The following NPAS3 variants were observed in gnomAD, a reference collection of about 807,000 sequenced individuals.
The protein encoded by NPAS3 is neuronal PAS domain protein 3.
Under a neutral mutation model 73.1 loss-of-function variants are expected in NPAS3, and 14 were observed. That is an observed-to-expected ratio of 0.19 (90% CI 0.13 to 0.30). The LOEUF (loss-of-function observed/expected upper bound fraction) is 0.30, where lower values mean the gene tolerates loss of function less well. Among genes scored for constraint, NPAS3 ranks in the 10% least tolerant of loss-of-function variants. The pLI, the probability that NPAS3 is intolerant of heterozygous loss-of-function variation, is 1.00. For synonymous variants in NPAS3, 620 were observed against 541.5 expected (o/e 1.14, Z -2.01); for missense variants, 1,096 against 1,250.0 (o/e 0.88, Z 1.86).
intron 2 of NPAS3, among the ~76,000 whole-genome samples, chr14:33,080,876 C>A (rs60351482): frequency 6.6e-6 from 1 of 152,218 alleles, no homozygotes; most frequent in Non-Finnish European, 1.5e-5. Flanking sequence ...TTAAAAGCTG[C>A]TTAACAAAGA....
At chr14:33,266,964 A>G (rs192530545) in intron 3 of NPAS3, among the ~76,000 whole-genome samples, 161 of 152,272 alleles carry the variant, frequency 1.1e-3, no homozygotes, top group Non-Finnish European at 1.9e-3. Context: ...AAAGAGACAC[A>G]TTTGGAATAT....
chr14:33,778,572 T>C (rs762761601), exon 9 of NPAS3: 1 of 1,602,512 alleles, frequency 6.2e-7, no homozygotes, highest in Admixed American at 1.7e-5. Flanking sequence ...TCACTTGGAC[T>C]GTAAGTACCT....
At chr14:32,954,753 G>C (rs919694232) in intron 1 of NPAS3, among the ~76,000 whole-genome samples, 1 of 151,984 alleles carries the variant, frequency 6.6e-6, no homozygotes, top group African/African-American at 2.4e-5. Flanking sequence ...CTCTCAAATT[G>C]TACTAAATCA....
At chr14:33,572,139 A>G (rs28407670) in intron 5 of NPAS3, among the ~76,000 whole-genome samples, 20,025 of 152,152 alleles carry the variant, frequency 0.13, 1,524 homozygotes, top group East Asian at 0.29. Context: ...AGTGGAAAAT[A>G]CACAGAAAAT....
chr14:33,478,300 T>G (rs775212870), intron 4 of NPAS3, among the ~76,000 whole-genome samples: 6 of 152,160 alleles, frequency 3.9e-5, no homozygotes, highest in Non-Finnish European at 5.9e-5. Context: ...TTTTGTTGAC[T>G]TTAGTAAAGC....
intron 1 of NPAS3, among the ~76,000 whole-genome samples, chr14:32,986,757 G>A (rs2038115638): frequency 6.6e-6 from 1 of 152,248 alleles, no homozygotes; most frequent in Non-Finnish European, 1.5e-5. Context: ...CAGCGTTGTA[G>A]CTTTGATTGA....
At chr14:33,685,649 T>C (rs1462214733) in intron 6 of NPAS3, among the ~76,000 whole-genome samples, 6 of 152,188 alleles carry the variant, frequency 3.9e-5, no homozygotes, top group Admixed American at 3.9e-4. Context: ...TTCAGGAAAT[T>C]CTAACTTTGG....
intron 3 of NPAS3, among the ~76,000 whole-genome samples, chr14:33,223,411 G>A (rs1219617604): frequency 6.6e-6 from 1 of 152,176 alleles, no homozygotes; most frequent in Non-Finnish European, 1.5e-5. Flanking sequence ...CTCTTAGTAA[G>A]TCAGTCCTCT....
intron 4 of NPAS3, among the ~76,000 whole-genome samples, chr14:33,556,234 T>C (rs1241670250): frequency 3.3e-5 from 5 of 152,104 alleles, no homozygotes; most frequent in Non-Finnish European, 7.4e-5. Context: ...AAAATCACAA[T>C]CCCCTTTAGT....
chr14:33,406,461 T>A (rs1018044958), intron 4 of NPAS3, among the ~76,000 whole-genome samples: 1 of 152,132 alleles, frequency 6.6e-6, no homozygotes, highest in Non-Finnish European at 1.5e-5. Flanking sequence ...CTGACTTAAG[T>A]GTCTATGACT....
chr14:33,328,143 T>C (rs1264469044), intron 3 of NPAS3, among the ~76,000 whole-genome samples: 1 of 152,144 alleles, frequency 6.6e-6, no homozygotes, highest in Admixed American at 6.5e-5. Flanking sequence ...AAAAAACTTA[T>C]TTTTTAATAG....
intron 2 of NPAS3, among the ~76,000 whole-genome samples, chr14:33,140,666 C>T (rs1347463022): frequency 1.3e-5 from 2 of 152,104 alleles, no homozygotes; most frequent in East Asian, 3.9e-4. Context: ...TCTTAGCTCT[C>T]AAGTGCATTC....
At chr14:33,122,684 A>G (rs1008623368) in intron 2 of NPAS3, among the ~76,000 whole-genome samples, 4 of 152,114 alleles carry the variant, frequency 2.6e-5, no homozygotes, top group African/African-American at 9.7e-5. Flanking sequence ...AGGGGGCTCA[A>G]ATGTTTAATT....
At chr14:33,554,862 T>C (rs974947370) in intron 4 of NPAS3, among the ~76,000 whole-genome samples, 3 of 152,058 alleles carry the variant, frequency 2.0e-5, no homozygotes, top group African/African-American at 7.3e-5. Flanking sequence ...CCTTCAGTCA[T>C]GGACCTGTGG....
At chr14:33,022,134 G>A (rs2039620489) in intron 1 of NPAS3, among the ~76,000 whole-genome samples, 1 of 152,140 alleles carries the variant, frequency 6.6e-6, no homozygotes, top group Admixed American at 6.5e-5. Context: ...CAGAGGAATC[G>A]TGATTGGCCT....
chr14:33,749,395 T>C (rs1046794266), intron 7 of NPAS3, among the ~76,000 whole-genome samples: 2 of 152,144 alleles, frequency 1.3e-5, no homozygotes, highest in African/African-American at 4.8e-5. Flanking sequence ...GGACCTGAAA[T>C]GTTTAACCTG....
intron 3 of NPAS3, among the ~76,000 whole-genome samples, chr14:33,264,601 G>T (rs371240687): frequency 2.0e-5 from 3 of 152,148 alleles, no homozygotes; most frequent in African/African-American, 7.2e-5. Context: ...AATGAGAAGA[G>T]TTAGTGTCTG....
Position 33,349,102 on chromosome 14 carries a change from G to A in NPAS3, c.386-18084G>A, listed in dbSNP as rs567669492. On this transcript the variant is annotated intron_variant, in intron 3 of 11. Transcript: ENST00000356141. Reference sequence around the variant, plus strand: ...ACGGAGGTCAGAAGCATGTTTCTAGGAAAATGAAATGTGGGGATTAACTAT... The same window carrying A: ...ACGGAGGTCAGAAGCATGTTTCTAGAAAAATGAAATGTGGGGATTAACTAT... 1.1e-4 allele frequency among the ~76,000 whole-genome samples: 16 copies of A among 152,300 alleles called. No individual in the cohort carries two copies. The South Asian group carries it at 3.3e-3, about 32-fold the overall frequency.
chr14:33,056,223 C>G (rs2040883667), intron 2 of NPAS3, among the ~76,000 whole-genome samples: 1 of 152,018 alleles, frequency 6.6e-6, no homozygotes, highest in South Asian at 2.1e-4. Flanking sequence ...AAATTGTGGT[C>G]TAAAAGTTTT....
Sources: allele counts gnomAD v4.1 joint callset (sites outside exome capture counted in the v4.1 genomes callset), GRCh38; gene constraint gnomAD v4.1.1; transcripts MANE v1.5; gene names NCBI Gene and HGNC (gene_info 2026-07-23, HGNC 2026-07-21).